Variants in ADD1 observed in about 807,000 individuals in gnomAD.
ADD1 encodes adducin 1.
A neutral mutation model predicts 80.5 loss-of-function variants in ADD1; 24 were observed. The observed-to-expected ratio is 0.30, with a 90% confidence interval of 0.22 to 0.42. The LOEUF (loss-of-function observed/expected upper bound fraction) is 0.42. Among genes scored for constraint, ADD1 ranks in the 10% least tolerant of loss-of-function variants. The pLI is 1.00. For missense variants in ADD1, 948 were observed against 1,019.0 expected (o/e 0.93, Z 0.95); for synonymous variants, 373 against 393.8 (o/e 0.95, Z 0.63).
chr4:2,905,019 T>C lies in ADD1; in HGVS notation c.1417T>C (p.Trp473Arg). 2 of 1,614,204 alleles carry C rather than the reference T, an allele frequency of 1.2e-6. No homozygotes were observed. Residue 473 changes from tryptophan (W) to arginine (R), a missense_variant, in exon 10 of 16, where the codon TGG becomes CGG. By Grantham distance (101) the Trp-to-Arg change is moderately radical. Transcript: ENST00000683351. ...CAGTCCCAAGTCGAAGACTAAGGTG[T>C]GGACGAACATTACACACGATCACGT... The part of the protein sequence containing the change: ...GSSPKSKTKV[W>R]TNITHDHVKP...
rs777673807 is a variant in ADD1 at position 2,926,136 on chromosome 4, G to A, written c.2047+24G>A. ...AGGTGAGCTCTGGGTGGCAGCGGCCGCCACTGTGGGAGGGTGCACGGCTCG... is the reference window on the plus strand; with the variant it reads ...AGGTGAGCTCTGGGTGGCAGCGGCCACCACTGTGGGAGGGTGCACGGCTCG... On this transcript the variant is annotated intron_variant, in intron 15 of 15. Transcript: ENST00000683351. The surrounding 1 kb of genome is among the most constrained non-coding windows in gnomAD (Gnocchi z 5.0). The A allele has an allele frequency of 7.5e-6, 12 of 1,600,118 alleles. No individual in the cohort carries two copies. The highest frequency in any genetic ancestry group is 6.7e-5 in the East Asian group (3 of 44,796).
intron 9 of ADD1, among the ~76,000 whole-genome samples, chr4:2,903,146 G>GT (rs1327564104): frequency 6.6e-6 from 1 of 152,220 alleles, no homozygotes. Flanking sequence ...TGAGAGGACT[G>GT]TTTCTAGAGT....
At chr4:2,911,431 C>CATATATATATATATATAT (rs1553848842) in intron 13 of ADD1, among the ~76,000 whole-genome samples, 21 of 140,864 alleles carry the variant, frequency 1.5e-4, no homozygotes, top group African/African-American at 4.9e-4. Context: ...ACCTGAAATA[C>CATATATATATATATATAT]ATATATATAT....
chr4:2,851,311 A>G (rs1291624240), intron 1 of ADD1, among the ~76,000 whole-genome samples: 1 of 152,190 alleles, frequency 6.6e-6, no homozygotes, highest in Non-Finnish European at 1.5e-5. Flanking sequence ...TAGGAGTAAT[A>G]ATAATAACAG....
intron 6 of ADD1, among the ~76,000 whole-genome samples, chr4:2,895,950 C>T (rs908570244): frequency 4.6e-5 from 7 of 150,966 alleles, no homozygotes; most frequent in East Asian, 1.9e-4. Context: ...TGCAATGGCG[C>T]GATCGCGGCT....
Position 2,880,071 on chromosome 4 carries a change from A to C in ADD1, c.196-1827A>C, listed in dbSNP as rs576645923. On this transcript the variant is annotated intron_variant, in intron 2 of 15. Coordinates refer to ENST00000683351, the MANE Select transcript of ADD1 (RefSeq NM_001354761.2). ...TCTCATTGCATTGTGCTTTGATGACAAAGATGGCTAAATAATCACCATGTT... is the reference window on the plus strand; with the variant it reads ...TCTCATTGCATTGTGCTTTGATGACCAAGATGGCTAAATAATCACCATGTT... Among the ~76,000 whole-genome samples the C allele has an allele frequency of 8.5e-5, 13 of 152,276 alleles. 1 individual carries two copies. In the South Asian group the frequency reaches 2.7e-3, roughly 32 times the overall value.
chr4:2,904,677 T>C (rs1736739703), intron 9 of ADD1, 87 bp from the exon 10 acceptor site: 1 of 1,242,060 alleles, frequency 8.1e-7, no homozygotes, highest in Non-Finnish European at 1.2e-6. Context: ...GTTCAACTTT[T>C]GTGGATGTTT....
chr4:2,881,928 C>A lies in ADD1; in HGVS notation c.226C>A (p.Gln76Lys), dbSNP rs371281109. 1.2e-6 allele frequency: 2 copies of A among 1,606,118 alleles called. No homozygotes were observed. Among genetic ancestry groups the A allele is most frequent in the Non-Finnish European group, 1.7e-6 (2 of 1,177,834 alleles). The change falls in exon 3 of 16, where the codon CAG (glutamine) becomes AAG (lysine). Residue 76 changes from glutamine (Q) to lysine (K), a missense_variant. By Grantham distance (53) the Gln-to-Lys change is moderately conservative. Transcript: ENST00000683351. ...CTGTGAAGAATTGGAATCAATGATA[C>A]AGGAGCAATTTAAGAAGGGGAAGAA... ...AFCEELESMIQEQFKKGKNPT... is the reference protein window; with the variant it reads ...AFCEELESMIKEQFKKGKNPT...
chr4:2,892,481 C>T (rs1397271596), intron 4 of ADD1, among the ~76,000 whole-genome samples: 3 of 152,040 alleles, frequency 2.0e-5, no homozygotes, highest in East Asian at 1.9e-4. Context: ...GAAAAACATA[C>T]TGTGGAAGAG....
rs777989335 is a variant in ADD1 at position 2,928,401 on chromosome 4, G to A, written c.2278G>A (p.Glu760Lys). 1.9e-6 allele frequency: 3 copies of A among 1,613,062 alleles called. No individual in the cohort carries two copies. The highest frequency in any genetic ancestry group is 3.3e-5 in the Admixed American group (2 of 59,872). The change falls in exon 16 of 16, where the codon GAG (glutamate) becomes AAG (lysine). Residue 760 changes from glutamate (E) to lysine (K), a missense_variant. Coordinates refer to ENST00000683351, the MANE Select transcript of ADD1 (RefSeq NM_001354761.2). ...VAEEAAPSAV[E>K]EGAAADPGSD... ...TGAAGAGGCTGCCCCCTCAGCTGTCGAGGAGGGGGCCGCCGCGGACCCTGG... is the reference window on the plus strand; with the variant it reads ...TGAAGAGGCTGCCCCCTCAGCTGTCAAGGAGGGGGCCGCCGCGGACCCTGG...
intron 4 of ADD1, among the ~76,000 whole-genome samples, chr4:2,885,440 T>G (rs1733097754): frequency 6.6e-6 from 1 of 152,194 alleles, no homozygotes; most frequent in Non-Finnish European, 1.5e-5. Flanking sequence ...CTACTATCTT[T>G]GAGACTCCTG....
chr4:2,908,518 C>G lies in ADD1; in HGVS notation c.1612C>G (p.Arg538Gly). The G allele has an allele frequency of 6.2e-7, 1 of 1,614,022 alleles. No homozygotes were observed. The highest frequency in any genetic ancestry group is 8.5e-7 in the Non-Finnish European group (1 of 1,179,882). The stretch of plus-strand genomic sequence containing the variant: ...TGCCTCTCCTTCCCACCCTCAGATC[C>G]GAGAGCAGAATTTACAGGACATTAA... Reference protein sequence around the residue: ...KEVQEMRNKIREQNLQDIKTA... With the variant: ...KEVQEMRNKIGEQNLQDIKTA... Residue 538 changes from arginine (R) to glycine (G), a missense_variant, in exon 12 of 16, where the codon CGA (arginine) becomes GGA (glycine). By Grantham distance (125) the Arg-to-Gly change is moderately radical (BLOSUM62 -2). Coordinates refer to ENST00000683351, the MANE Select transcript of ADD1 (RefSeq NM_001354761.2).
intron 4 of ADD1, among the ~76,000 whole-genome samples, chr4:2,890,490 T>C (rs982360439): frequency 5.9e-5 from 9 of 152,154 alleles, no homozygotes; most frequent in South Asian, 2.1e-4. Context: ...CACTGCAAGC[T>C]CTGCCTCCCA....
chr4:2,916,756 A>G (rs1012231581), intron 14 of ADD1, among the ~76,000 whole-genome samples: 23 of 152,156 alleles, frequency 1.5e-4, no homozygotes, highest in Admixed American at 5.9e-4. Context: ...TAATTGTTCA[A>G]TCCCCACTTA....
chr4:2,905,041 A>C lies in ADD1; in HGVS notation c.1439A>C (p.His480Pro). 1 of 1,614,156 alleles carries C rather than the reference A, an allele frequency of 6.2e-7. No individual in the cohort carries two copies. The highest frequency in any genetic ancestry group is 8.5e-7 in the Non-Finnish European group (1 of 1,180,030). Residue 480 changes from histidine (H) to proline (P), a missense_variant, in exon 10 of 16, where the codon CAC (histidine) becomes CCC (proline). His to Pro is a moderately conservative substitution (Grantham distance 77, BLOSUM62 -2). Coordinates refer to ENST00000683351, the MANE Select transcript of ADD1 (RefSeq NM_001354761.2). ...TKVWTNITHDHVKPLLQSLSS... is the reference protein window; with the variant it reads ...TKVWTNITHDPVKPLLQSLSS... The stretch of plus-strand genomic sequence containing the variant: ...GTGTGGACGAACATTACACACGATC[A>C]CGTGAAACCCTTGCTGCAGTCTCTC...
intron 1 of ADD1, among the ~76,000 whole-genome samples, chr4:2,858,399 TAGAC>T (rs1386297919): frequency 5.9e-5 from 9 of 151,936 alleles, no homozygotes; most frequent in Non-Finnish European, 1.2e-4. Context: ...GAAACTGAAA[TAGAC>T]AGAGATGAAG....
chr4:2,906,289 C>G (rs946093542), intron 10 of ADD1, among the ~76,000 whole-genome samples: 4 of 152,094 alleles, frequency 2.6e-5, no homozygotes, highest in Non-Finnish European at 4.4e-5. Context: ...CTCTTCTTTC[C>G]TGCCCTCCTT....
intron 1 of ADD1, among the ~76,000 whole-genome samples, chr4:2,850,375 C>G (rs1241597772): frequency 6.6e-6 from 1 of 152,218 alleles, no homozygotes; most frequent in Admixed American, 6.5e-5. Flanking sequence ...TCAAGCGATT[C>G]TCCTGCCTCA....
At chr4:2,924,037 A>G (rs1740552253) in intron 14 of ADD1, among the ~76,000 whole-genome samples, 1 of 152,252 alleles carries the variant, frequency 6.6e-6, no homozygotes, top group Non-Finnish European at 1.5e-5. Flanking sequence ...TTTCCTGTGC[A>G]GGTGTGGTCA....
Sources: allele counts gnomAD v4.1 joint callset (sites outside exome capture counted in the v4.1 genomes callset), GRCh38; gene constraint gnomAD v4.1.1; non-coding constraint Gnocchi (gnomAD v3.1); transcripts MANE v1.5; gene names NCBI Gene and HGNC (gene_info 2026-07-23, HGNC 2026-07-21).